Variants in PLD5 observed in about 807,000 individuals in gnomAD.
PLD5 encodes the protein inactive phospholipase D5.
In PLD5, 36 loss-of-function variants were observed where a neutral mutation model predicts 61.1. The ratio of observed to expected loss-of-function variants is 0.59; its 90% CI spans 0.45 to 0.78. The LOEUF is 0.78. Ranked by LOEUF, PLD5 falls within the 30% of genes least tolerant of loss-of-function variation. The pLI is 0.00. For synonymous variants in PLD5, 243 were observed against 242.8 expected, an observed-to-expected ratio of 1.00 and a Z score of -0.01; for missense variants, 515 against 644.4, an observed-to-expected ratio of 0.80 and a Z score of 2.17.
At chr1:242,228,736 G>A (rs1008639618) in intron 4 of PLD5, among the ~76,000 whole-genome samples, 9 of 151,780 alleles carry the variant, frequency 5.9e-5, no homozygotes, top group Non-Finnish European at 7.4e-5. Context: ...AGAGGAAGAG[G>A]AAGAGGAGCA....
chr1:242,422,221 G>C (rs1236981289), intron 1 of PLD5, among the ~76,000 whole-genome samples: 1 of 132,778 alleles, frequency 7.5e-6, no homozygotes, highest in African/African-American at 3.1e-5. Context: ...AGGGAGGGCA[G>C]GAGGAGAAGG....
chr1:242,318,508 A>G (rs1180124465), intron 2 of PLD5, among the ~76,000 whole-genome samples: 1 of 152,170 alleles, frequency 6.6e-6, no homozygotes, highest in Non-Finnish European at 1.5e-5. Flanking sequence ...TCGTTAGGCC[A>G]ACTGGTTTCT....
chr1:242,422,711 C>T (rs1665212565), intron 1 of PLD5, among the ~76,000 whole-genome samples: 1 of 152,170 alleles, frequency 6.6e-6, no homozygotes, highest in Non-Finnish European at 1.5e-5. Context: ...ATGTTAGCTA[C>T]AGAAAATCTA....
At chr1:242,128,026 A>G (rs1662932310) in intron 5 of PLD5, among the ~76,000 whole-genome samples, 1 of 152,276 alleles carries the variant, frequency 6.6e-6, no homozygotes, top group East Asian at 1.9e-4. Context: ...CGTGGCAAAC[A>G]CTAATGCTTG....
rs1234131336 is a variant in PLD5 at position 242,524,652 on chromosome 1, G to A, written c.-376C>T. 1 of 160,882 alleles carries A rather than the reference G, an allele frequency of 6.2e-6. No homozygotes were observed. The highest frequency in any genetic ancestry group is 1.3e-5 in the Non-Finnish European group (1 of 74,588). 10.0% of individuals were successfully genotyped at this position (160,882 alleles called of 1,614,324 possible). ...GGCGGCGACGTCGCCCGGCGGCTGCGGTCCCGAGCGGGCGCTCCGCTCGCC... is the reference window on the plus strand; with the variant it reads ...GGCGGCGACGTCGCCCGGCGGCTGCAGTCCCGAGCGGGCGCTCCGCTCGCC... On this transcript the variant is annotated 5_prime_UTR_variant, in exon 1 of 10. Coordinates refer to ENST00000536534, the MANE Select transcript of PLD5 (RefSeq NM_001372062.1).
intron 1 of PLD5, among the ~76,000 whole-genome samples, chr1:242,415,823 TG>T (rs1664808076): frequency 6.6e-6 from 1 of 152,132 alleles, no homozygotes; most frequent in African/African-American, 2.4e-5. Context: ...TTTTTTTAAG[TG>T]GTTACCTAAG....
chr1:242,498,285 C>A (rs190237359), intron 1 of PLD5, among the ~76,000 whole-genome samples: 1 of 152,082 alleles, frequency 6.6e-6, no homozygotes, highest in Non-Finnish European at 1.5e-5. Flanking sequence ...TTTTATGAGA[C>A]CTTGCATGCT....
intron 7 of PLD5, among the ~76,000 whole-genome samples, chr1:242,110,758 C>G (rs980824682): frequency 6.6e-6 from 1 of 151,904 alleles, no homozygotes; most frequent in African/African-American, 2.4e-5. Flanking sequence ...TGCAGTGAGC[C>G]GAGATCTTGC....
At chr1:242,471,057 T>C (rs1667435763) in intron 1 of PLD5, among the ~76,000 whole-genome samples, 1 of 152,180 alleles carries the variant, frequency 6.6e-6, no homozygotes, top group Non-Finnish European at 1.5e-5. Context: ...CAACATGACA[T>C]AGGACTAAAC....
At chr1:242,395,712 T>C (rs1478175018) in intron 1 of PLD5, among the ~76,000 whole-genome samples, 2 of 151,988 alleles carry the variant, frequency 1.3e-5, no homozygotes, top group African/African-American at 4.8e-5. Flanking sequence ...ATAAAGCAGA[T>C]TAAATATATT....
chr1:242,140,742 ATT>A lies in PLD5; in HGVS notation c.736-16079_736-16078del, dbSNP rs112073263. Among the ~76,000 whole-genome samples, 15 of 150,050 alleles carry A rather than the reference ATT, an allele frequency of 1.0e-4. 1 individual carries two copies. The highest frequency in any genetic ancestry group is 1.6e-4 in the Non-Finnish European group (11 of 67,286). On this transcript the variant is annotated intron_variant, in intron 5 of 9. Transcript: ENST00000536534. Reference sequence around the variant, plus strand: ...ATAGTTTCTGTTGCTACATCGTTAAATTTTTTTTTTTTCAGAGAAACTGGGTT... The same window carrying A: ...ATAGTTTCTGTTGCTACATCGTTAAATTTTTTTTTTCAGAGAAACTGGGTT...
chr1:242,486,696 C>G (rs1250152432), intron 1 of PLD5, among the ~76,000 whole-genome samples: 1 of 152,132 alleles, frequency 6.6e-6, no homozygotes, highest in South Asian at 2.1e-4. Context: ...TTTGACCCAG[C>G]CATCCCATTA....
chr1:242,182,200 G>A (rs149078363), intron 5 of PLD5, among the ~76,000 whole-genome samples: 13 of 152,244 alleles, frequency 8.5e-5, no homozygotes, highest in African/African-American at 2.6e-4. Flanking sequence ...GCAGCTCTGG[G>A]AGCTAGTGAA....
At chr1:242,377,273 GT>G in intron 1 of PLD5, 1 of 1,609,556 alleles carries the variant, frequency 6.2e-7, no homozygotes, top group Non-Finnish European at 8.5e-7. Context: ...ACTGCAGCAG[GT>G]TTTCAGTGGT....
chr1:242,115,884 G>T (rs61846673), intron 6 of PLD5, among the ~76,000 whole-genome samples: 1 of 152,256 alleles, frequency 6.6e-6, no homozygotes, highest in Admixed American at 6.5e-5. Flanking sequence ...TTCTCCTGTT[G>T]CTTGAGGTGG....
In PLD5 at chr1:242,457,238, G is replaced by T. The variant is rs145837871; in HGVS notation, c.189+66850C>A. ...TTAAACATATTACTGGTATTCCTTA[G>T]AGCCCACAAGCCCAAGCTATTGTAG... On this transcript the variant is annotated intron_variant, in intron 1 of 9. Transcript: ENST00000536534. Among the ~76,000 whole-genome samples the T allele has an allele frequency of 6.8e-3, 1,036 of 152,230 alleles. 17 individuals carry two copies. The highest frequency in any genetic ancestry group is 0.024 in the African/African-American group (991 of 41,528).
chr1:242,353,417 A>G (rs1276168726), intron 1 of PLD5, among the ~76,000 whole-genome samples: 14 of 152,106 alleles, frequency 9.2e-5, no homozygotes. Context: ...TTTAATTACT[A>G]CTGTTTTGTA....
intron 1 of PLD5, among the ~76,000 whole-genome samples, chr1:242,488,164 T>G (rs1485038687): frequency 6.6e-6 from 1 of 152,188 alleles, no homozygotes; most frequent in Non-Finnish European, 1.5e-5. Flanking sequence ...GTTTGGCAGT[T>G]TCTTATGAAA....
chr1:242,485,551 A>G (rs1014735949), intron 1 of PLD5, among the ~76,000 whole-genome samples: 1 of 152,216 alleles, frequency 6.6e-6, no homozygotes, highest in Non-Finnish European at 1.5e-5. Context: ...ACCACTGAAC[A>G]ATGAAATAAA....
Sources: allele counts gnomAD v4.1 joint callset (sites outside exome capture counted in the v4.1 genomes callset), GRCh38; gene constraint gnomAD v4.1.1; transcripts MANE v1.5; gene names NCBI Gene and HGNC (gene_info 2026-07-23, HGNC 2026-07-21).